Variants in KLF15 observed in about 807,000 individuals in gnomAD.
The protein encoded by KLF15 is Krueppel-like factor 15.
In KLF15, 4 loss-of-function variants were observed where a neutral mutation model predicts 24.6. That is an observed-to-expected ratio of 0.16 (90% CI 0.08 to 0.37). KLF15 has a LOEUF of 0.37. Ranked by LOEUF, KLF15 falls within the 10% of genes least tolerant of loss-of-function variation. KLF15 has a pLI of 1.00. For synonymous variants in KLF15, 246 were observed against 236.3 expected, an observed-to-expected ratio of 1.04 and a Z score of -0.37; for missense variants, 496 against 560.6, an observed-to-expected ratio of 0.88 and a Z score of 1.16.
At chr3:126,312,507 A>G in the KLF15 span, among the ~76,000 whole-genome samples, 1 of 152,078 alleles carries the variant, frequency 6.6e-6, no homozygotes, top group Non-Finnish European at 1.5e-5. Context: ...CCATAAATGG[A>G]TTTCACTGGT....
At chr3:126,305,584 C>T in the KLF15 span, among the ~76,000 whole-genome samples, 1 of 151,716 alleles carries the variant, frequency 6.6e-6, no homozygotes, top group Non-Finnish European at 1.5e-5. Context: ...CCCAGAAGTC[C>T]CTTTCACATT....
chr3:126,303,223 A>G, the KLF15 span, among the ~76,000 whole-genome samples: 2 of 151,872 alleles, frequency 1.3e-5, no homozygotes, highest in African/African-American at 2.4e-5. Context: ...CATTTCCCAC[A>G]TAGTTACCAT....
At chr3:126,302,134 C>T in the KLF15 span, among the ~76,000 whole-genome samples, 20 of 152,192 alleles carry the variant, frequency 1.3e-4, no homozygotes, top group Non-Finnish European at 2.8e-4. Flanking sequence ...CTTCCTTTGC[C>T]CATGGGTTAT....
chr3:126,312,798 T>G, the KLF15 span, among the ~76,000 whole-genome samples: 1 of 152,112 alleles, frequency 6.6e-6, no homozygotes. Flanking sequence ...GTGTGTAGAC[T>G]GGCGGGTTCC....
chr3:126,314,769 C>A, the KLF15 span, among the ~76,000 whole-genome samples: 1 of 152,216 alleles, frequency 6.6e-6, no homozygotes. Context: ...AGTAGTAATC[C>A]CCTCTGTCTG....
At chr3:126,332,257 C>T in the KLF15 span, among the ~76,000 whole-genome samples, 11 of 149,406 alleles carry the variant, frequency 7.4e-5, no homozygotes, top group East Asian at 4.0e-4. Context: ...AAGTGGGTCC[C>T]GGACCCCTGA....
intron 2 of KLF15, among the ~76,000 whole-genome samples, chr3:126,345,655 C>T (rs2082529952): frequency 6.6e-6 from 1 of 152,172 alleles, no homozygotes. Flanking sequence ...GGACCAGGGC[C>T]ACCCAGCGAG....
Position 126,343,383 on chromosome 3 carries a change from G to GTA in KLF15, c.*343_*344insTA. 3.3e-6 allele frequency: 1 copy of GTA among 301,652 alleles called. No homozygotes were observed. Among genetic ancestry groups the GTA allele is most frequent in the South Asian group, 4.5e-5 (1 of 22,200 alleles). The allele number at this position is 301,652 out of a possible 1,614,324, so 18.7% of individuals were successfully genotyped here. On this transcript the variant is annotated 3_prime_UTR_variant, in exon 3 of 3. Transcript: ENST00000296233. ...AGTTCTGGCCTTGGCCCAGGATGGG[G>GTA]GAGCCCAGTGGGAGAAGGGCCAGGT...
the KLF15 span, among the ~76,000 whole-genome samples, chr3:126,331,173 C>T: frequency 6.6e-6 from 1 of 152,154 alleles, no homozygotes. Context: ...CATCATGAGC[C>T]CCTCTTCTGG....
At chr3:126,351,231 C>A (rs1576587127) in intron 2 of KLF15, among the ~76,000 whole-genome samples, 1 of 152,198 alleles carries the variant, frequency 6.6e-6, no homozygotes, top group East Asian at 1.9e-4. Context: ...TTGCAGCCTC[C>A]CAAACATGCT....
chr3:126,289,642 C>G, the KLF15 span, among the ~76,000 whole-genome samples: 1 of 152,238 alleles, frequency 6.6e-6, no homozygotes, highest in Admixed American at 6.5e-5. Context: ...TTTGACCATA[C>G]AGCCTGTTTT....
chr3:126,337,411 C>T, the KLF15 span, among the ~76,000 whole-genome samples: 1 of 111,460 alleles, frequency 9.0e-6, no homozygotes, highest in South Asian at 3.5e-4. Flanking sequence ...GAATATCACA[C>T]TCTGGGGACT....
At chr3:126,328,862 G>T in the KLF15 span, among the ~76,000 whole-genome samples, 3 of 152,074 alleles carry the variant, frequency 2.0e-5, no homozygotes, top group Admixed American at 6.5e-5. Flanking sequence ...ACTGTAAGTT[G>T]CTAGTTTATA....
chr3:126,328,731 T>G, the KLF15 span, among the ~76,000 whole-genome samples: 1 of 152,216 alleles, frequency 6.6e-6, no homozygotes, highest in Non-Finnish European at 1.5e-5. Flanking sequence ...GGATATAATC[T>G]TTTACATTTT....
the KLF15 span, among the ~76,000 whole-genome samples, chr3:126,289,425 TG>T: frequency 6.6e-6 from 1 of 152,220 alleles, no homozygotes; most frequent in Admixed American, 6.5e-5. Context: ...AATGTGCCAA[TG>T]GTTAATATCT....
downstream of KLF15, among the ~76,000 whole-genome samples, chr3:126,340,600 ACTTC>A (rs71918344): frequency 0.1 from 15,669 of 152,254 alleles, 827 homozygotes; most frequent in Middle Eastern, 0.17. Context: ...AGTAGATGGT[ACTTC>A]CTTCCTCTCT....
At chr3:126,333,930 G>C in the KLF15 span, among the ~76,000 whole-genome samples, 1 of 149,900 alleles carries the variant, frequency 6.7e-6, no homozygotes, top group East Asian at 2.0e-4. Flanking sequence ...AGCAAGTCCT[G>C]AGTGACCTAC....
chr3:126,289,980 G>A, the KLF15 span, among the ~76,000 whole-genome samples: 1 of 152,212 alleles, frequency 6.6e-6, no homozygotes, highest in Admixed American at 6.5e-5. Context: ...AAAGGAGCAT[G>A]TAGGGGAATG....
At chr3:126,330,226 G>C in the KLF15 span, among the ~76,000 whole-genome samples, 2 of 152,190 alleles carry the variant, frequency 1.3e-5, no homozygotes, top group South Asian at 4.1e-4. Context: ...ACAGACACAG[G>C]AGCAAGATTA....
Sources: gnomAD v4.1 joint callset for allele counts (sites outside exome capture counted in the v4.1 genomes callset) on GRCh38, gnomAD v4.1.1 for gene constraint, MANE v1.5 for transcripts, NCBI Gene and HGNC (gene_info 2026-07-23, HGNC 2026-07-21) for gene names.